Variants in KIAA1191 observed in about 807,000 individuals in gnomAD.
The protein encoded by KIAA1191 is putative monooxygenase p33MONOX.
In KIAA1191, 22 loss-of-function variants were observed where a neutral mutation model predicts 31.1. The observed-to-expected ratio is 0.71, with a 90% CI of 0.51 to 1.01. The LOEUF (loss-of-function observed/expected upper bound fraction) is 1.01, where lower values mean the gene tolerates loss of function less well. Ranked by LOEUF, KIAA1191 falls within the 50% of genes least tolerant of loss-of-function variation. KIAA1191 has a pLI of 0.00. For synonymous variants in KIAA1191, 130 were observed against 143.9 expected (o/e 0.90, Z 0.69); for missense variants, 319 against 388.0 (o/e 0.82, Z 1.49).
rs141415599 is a variant in KIAA1191 at position 176,352,722 on chromosome 5, G to A, written c.234C>T (p.Pro78=). ...AKVEEGEASL[P]SPAMTLSSAI... ...CTGATGACAGGGTCATGGCAGGGGA[G>A]GGTAGACTGGCCTCTCCTTCCTCCA... The change falls in exon 5 of 9, where the codon CCC becomes CCT. Residue 78 remains proline, a synonymous_variant. Transcript: ENST00000298569. The A allele has an allele frequency of 2.4e-3, 3,876 of 1,613,864 alleles. 4 individuals carry two copies. The highest frequency in any genetic ancestry group is 2.9e-3 in the Non-Finnish European group (3,390 of 1,179,842).
rs1195724332 is a variant in KIAA1191 at position 176,352,646 on chromosome 5, C to T, written c.310G>A (p.Val104Ile). 1 of 1,613,872 alleles carries T rather than the reference C, an allele frequency of 6.2e-7. No individual in the cohort carries two copies. Among genetic ancestry groups the T allele is most frequent in the East Asian group, 2.2e-5 (1 of 44,872 alleles). ...CTTGTGATCAGAGAATTCATGATGA[C>T]ATGGGTAGCTTTAGCCTTCACCACT... ...VPVVKAKATH[V>I]IMNSLITKQT... Residue 104 changes from valine (V) to isoleucine (I), a missense_variant, in exon 5 of 9, where the codon GTC becomes ATC. Coordinates refer to ENST00000298569, the MANE Select transcript of KIAA1191 (RefSeq NM_020444.5).
At chr5:176,360,874 G>A (rs1273136101) in intron 1 of KIAA1191, among the ~76,000 whole-genome samples, 1 of 152,172 alleles carries the variant, frequency 6.6e-6, no homozygotes, top group South Asian at 2.1e-4. Flanking sequence ...AATCAGAGGA[G>A]TTAAGTAAAT....
chr5:176,351,156 CAA>C (rs1374791025), intron 5 of KIAA1191, among the ~76,000 whole-genome samples: 8 of 151,960 alleles, frequency 5.3e-5, no homozygotes, highest in South Asian at 2.1e-4. Flanking sequence ...TCCTGGCTAA[CAA>C]GGTGAAACCC....
At chr5:176,349,344 T>C (rs1170519485) in intron 6 of KIAA1191, among the ~76,000 whole-genome samples, 1 of 152,184 alleles carries the variant, frequency 6.6e-6, no homozygotes, top group Non-Finnish European at 1.5e-5. Flanking sequence ...TAGCAGTTTT[T>C]AAACCTAGCC....
At chr5:176,352,783 G>A in intron 4 of KIAA1191, 35 bp from the exon 5 acceptor site, 2 of 1,593,436 alleles carry the variant, frequency 1.3e-6, no homozygotes, top group South Asian at 2.2e-5. Flanking sequence ...AAGCACTTAG[G>A]CAGGGCAGGG....
chr5:176,357,335 A>T (rs1001195374), intron 3 of KIAA1191: 3 of 152,124 alleles, frequency 2.0e-5, no homozygotes, highest in Non-Finnish European at 4.4e-5. Context: ...AATGTGCTGC[A>T]ATTGATCGTA....
At chr5:176,352,556 C>G in intron 5 of KIAA1191, 66 bp downstream of exon 5, 1 of 1,568,044 alleles carries the variant, frequency 6.4e-7, no homozygotes, top group Non-Finnish European at 8.7e-7. Flanking sequence ...CTCCAATCAG[C>G]TTGTAGGAAG....
intron 6 of KIAA1191, chr5:176,348,973 C>T (rs1766760616): frequency 6.5e-6 from 1 of 152,724 alleles, no homozygotes; most frequent in Non-Finnish European, 1.5e-5. Context: ...CATGCTGTTT[C>T]CTCCCTCCAG....
chr5:176,354,570 G>A (rs1038216457), intron 4 of KIAA1191: 1 of 152,358 alleles, frequency 6.6e-6, no homozygotes. Context: ...AGGTATGTTC[G>A]GAAGGGCCTT....
chr5:176,361,440 G>A lies in KIAA1191; in HGVS notation c.-168+162C>T, dbSNP rs1408988107. 6.6e-6 allele frequency: 1 copy of A among 152,446 alleles called. No individual in the cohort carries two copies. Among genetic ancestry groups the A allele is most frequent in the African/African-American group, 2.4e-5 (1 of 41,474 alleles). The allele number at this position is 152,446 out of a possible 1,614,324, so 9.4% of individuals were successfully genotyped here. On this transcript the variant is annotated intron_variant, in intron 1 of 8. Transcript: ENST00000298569. This position sits in a 1 kb window ranked among gnomAD's most constrained non-coding sequence, Gnocchi z 4.0. ...CCAGAGAGCGGAGCCAGGGAGGCAA[G>A]AGGCGACCCAGCCGAGCTCGAAGCC...
chr5:176,357,300 CA>C lies in KIAA1191; in HGVS notation c.29-1552del, dbSNP rs1224537840. ...TAGGCAACAGAGCGAGATTCCATCT[CA>C]AAAAAAAAAAGAAAAGAAAAGAAAA... On this transcript the variant is annotated intron_variant, in intron 3 of 8. Transcript: ENST00000298569. 138 of 136,902 alleles carry C rather than the reference CA, an allele frequency of 1.0e-3. 2 individuals are homozygous for C. The highest frequency in any genetic ancestry group is 4.0e-3 in the South Asian group (17 of 4,282). The allele number at this position is 136,902 out of a possible 1,614,324, so 8.5% of individuals were successfully genotyped here. A position where few individuals can be genotyped will look rare whatever the true frequency, so the allele number is the denominator to read the frequency against.
chr5:176,347,440 A>G lies in KIAA1191; in HGVS notation c.*160T>C. 2.2e-6 allele frequency: 1 copy of G among 461,938 alleles called. No homozygotes were observed. The highest frequency in any genetic ancestry group is 3.7e-6 in the Non-Finnish European group (1 of 271,232). The allele number at this position is 461,938 out of a possible 1,614,324, so 28.6% of individuals were successfully genotyped here. ...TGGTCTTGAACTCCTGACCTCAGGT[A>G]TCCACCTACCTTGGCCTCCCAAAGT... On this transcript the variant is annotated 3_prime_UTR_variant, in exon 9 of 9. Coordinates refer to ENST00000298569, the MANE Select transcript of KIAA1191 (RefSeq NM_020444.5).
intron 4 of KIAA1191, among the ~76,000 whole-genome samples, chr5:176,353,970 A>G (rs1767269465): frequency 6.6e-6 from 1 of 152,216 alleles, no homozygotes; most frequent in South Asian, 2.1e-4. Context: ...TTCAGTAGAT[A>G]ATTGATAGAG....
At position 176,350,722 on chromosome 5, in the gene KIAA1191, C is replaced by T; in HGVS notation, c.350G>A (p.Ser117Asn). 6.2e-7 allele frequency: 1 copy of T among 1,614,146 alleles called. No homozygotes were observed. The highest frequency in any genetic ancestry group is 8.5e-7 in the Non-Finnish European group (1 of 1,180,020). The stretch of plus-strand genomic sequence containing the variant: ...TGCCTGTCGCTCAAAATGCTGAATG[C>T]TTTCCTGGGTCTGTTCTGGGAACAG... ...NSLITKQTQE[S>N]IQHFERQAGL... The change falls in exon 6 of 9, where the codon AGC becomes AAC. Residue 117 changes from serine (S) to asparagine (N), a missense_variant. Physicochemically the swap from Ser to Asn is conservative, Grantham distance 46. Transcript: ENST00000298569.
At chr5:176,359,439 A>G (rs762327316) in intron 3 of KIAA1191, 42 bp downstream of exon 3, 124 of 1,599,902 alleles carry the variant, frequency 7.8e-5, no homozygotes, top group Admixed American at 4.2e-4. Flanking sequence ...TAAAACATTA[A>G]TAAGGGCAAA....
chr5:176,359,402 T>C (rs1767798689), intron 3 of KIAA1191, 79 bp downstream of exon 3: 1 of 1,277,830 alleles, frequency 7.8e-7, no homozygotes, highest in African/African-American at 1.5e-5. Context: ...TAATATATAG[T>C]TCCGATAAAA....
intron 3 of KIAA1191, chr5:176,356,018 G>T: frequency 2.6e-6 from 1 of 385,252 alleles, no homozygotes; most frequent in Non-Finnish European, 4.8e-6. Context: ...ATGTTGCCCA[G>T]GCTGGAGTGC....
At chr5:176,360,153 ATTTTTTTTT>A (rs200839926) in intron 1 of KIAA1191, among the ~76,000 whole-genome samples, 1 of 123,078 alleles carries the variant, frequency 8.1e-6, no homozygotes, top group African/African-American at 3.1e-5. Flanking sequence ...CCCAATCCCA[ATTTTTTTTT>A]TTTTTTTTTT....
intron 5 of KIAA1191, among the ~76,000 whole-genome samples, chr5:176,352,336 TG>T (rs1164982731): frequency 6.6e-6 from 1 of 152,110 alleles, no homozygotes; most frequent in Non-Finnish European, 1.5e-5. Flanking sequence ...GGGCAGTCTC[TG>T]TAGTTAAGTA....
Sources: gnomAD v4.1 joint callset for allele counts (sites outside exome capture counted in the v4.1 genomes callset) on GRCh38, gnomAD v4.1.1 for gene constraint, Gnocchi (gnomAD v3.1) non-coding constraint, MANE v1.5 for transcripts, NCBI Gene and HGNC (gene_info 2026-07-23, HGNC 2026-07-21) for gene names.